MYH15: variants seen among roughly 807,000 people sequenced by gnomAD.
MYH15 encodes the protein myosin heavy chain 15.
In MYH15, 227 loss-of-function variants were observed where a neutral mutation model predicts 240.5. The ratio of observed to expected loss-of-function variants is 0.94; its 90% CI spans 0.85 to 1.05. The LOEUF (loss-of-function observed/expected upper bound fraction) is 1.05, where lower values mean the gene tolerates loss of function less well. Ranked by LOEUF, MYH15 falls within the 50% of genes least tolerant of loss-of-function variation. The probability of loss-of-function intolerance (pLI) is 0.00; values close to 1 mark genes in which losing one functional copy is unlikely to be tolerated. For synonymous variants in MYH15, 785 were observed against 796.7 expected, an observed-to-expected ratio of 0.99 and a Z score of 0.25; for missense variants, 2,217 against 2,247.5, an observed-to-expected ratio of 0.99 and a Z score of 0.27.
chr3:108,430,506 A>G (rs1358525009), intron 26 of MYH15, among the ~76,000 whole-genome samples: 1 of 152,242 alleles, frequency 6.6e-6, no homozygotes, highest in Non-Finnish European at 1.5e-5. Flanking sequence ...CTACTTAAAT[A>G]TATTGTTGCA....
chr3:108,459,296 G>A (rs1022451737), intron 18 of MYH15, 66 bp downstream of exon 18: 2 of 980,280 alleles, frequency 2.0e-6, no homozygotes, highest in Non-Finnish European at 3.0e-6. Flanking sequence ...TTCTTTAAAA[G>A]ATATTCAATA....
chr3:108,400,318 G>A (rs2082494561), intron 33 of MYH15, among the ~76,000 whole-genome samples: 1 of 152,170 alleles, frequency 6.6e-6, no homozygotes, highest in South Asian at 2.1e-4. Flanking sequence ...GTGATTGTTA[G>A]GACAGTTTAA....
intron 12 of MYH15, among the ~76,000 whole-genome samples, chr3:108,472,769 T>G (rs1044574514): frequency 1.5e-4 from 23 of 152,218 alleles, no homozygotes; most frequent in Non-Finnish European, 2.9e-5. Context: ...GGTAAAGGTC[T>G]GCTGAATGAA....
intron 11 of MYH15, among the ~76,000 whole-genome samples, chr3:108,476,926 G>A (rs9873612): frequency 0.21 from 31,664 of 152,028 alleles, 4,287 homozygotes; most frequent in Non-Finnish European, 0.3. Context: ...TTACTCTGAA[G>A]TTAATCATAG....
intron 18 of MYH15, among the ~76,000 whole-genome samples, chr3:108,458,061 T>TA (rs397954846): frequency 3.3e-5 from 5 of 151,640 alleles, no homozygotes; most frequent in Admixed American, 1.3e-4. Context: ...TTATTTTTTT[T>TA]AAAAAAGGGA....
chr3:108,462,353 A>G (rs773819430), intron 16 of MYH15, among the ~76,000 whole-genome samples: 7 of 152,104 alleles, frequency 4.6e-5, no homozygotes, highest in Non-Finnish European at 8.8e-5. Flanking sequence ...AATAGGCACT[A>G]AACTAGAAAA....
intron 1 of MYH15, among the ~76,000 whole-genome samples, chr3:108,524,387 A>G (rs1471455779): frequency 1.3e-5 from 2 of 151,832 alleles, no homozygotes; most frequent in Admixed American, 1.3e-4. Flanking sequence ...TATCTTGTCT[A>G]CTTTTCTATG....
At chr3:108,486,272 C>T in intron 10 of MYH15, 151 bp downstream of exon 10, 1 of 483,366 alleles carries the variant, frequency 2.1e-6, no homozygotes, top group Non-Finnish European at 3.7e-6. Context: ...GCAGTTTTCT[C>T]ATAAATAAGT....
intron 33 of MYH15, 26 bp downstream of exon 33, chr3:108,405,312 T>C: frequency 1.5e-6 from 2 of 1,342,082 alleles, no homozygotes; most frequent in Non-Finnish European, 2.0e-6. Context: ...TACATAATTG[T>C]TACACATCAA....
chr3:108,509,496 A>G (rs1210373013), intron 1 of MYH15, among the ~76,000 whole-genome samples: 1 of 152,212 alleles, frequency 6.6e-6, no homozygotes, highest in Non-Finnish European at 1.5e-5. Flanking sequence ...CATGAATCCA[A>G]TGACTGGAAA....
chr3:108,548,688 A>G, the MYH15 span, among the ~76,000 whole-genome samples: 1 of 152,140 alleles, frequency 6.6e-6, no homozygotes, highest in African/African-American at 2.4e-5. Flanking sequence ...AATATAGTTC[A>G]TAACTATTTG....
In MYH15 at chr3:108,498,031, C is replaced by T. The variant is rs770365821; in HGVS notation, c.618+21G>A. ...GGATAGGGCCACCTCATCTTTTCTA[C>T]CAAGCTATATAAACACTTACCTGCT... On this transcript the variant is annotated intron_variant, in intron 6 of 40. Transcript: ENST00000693548. 14 of 1,607,668 alleles carry T rather than the reference C, an allele frequency of 8.7e-6. No homozygotes were observed. The Admixed American group carries it at 2.0e-4, about 23-fold the overall frequency.
intron 1 of MYH15, among the ~76,000 whole-genome samples, chr3:108,507,455 A>G (rs63338160): frequency 1.7e-4 from 2 of 12,114 alleles, no homozygotes; most frequent in Non-Finnish European, 1.0e-3. Context: ...CTCAGTCACC[A>G]ACCATCACCT....
intron 19 of MYH15, 78 bp downstream of exon 19, chr3:108,456,688 G>T: frequency 9.8e-7 from 1 of 1,018,996 alleles, no homozygotes; most frequent in Non-Finnish European, 1.5e-6. Flanking sequence ...AACAAACAAT[G>T]CATGCCTAAA....
At chr3:108,435,039 C>G (rs1435718627) in intron 25 of MYH15, among the ~76,000 whole-genome samples, 1 of 152,110 alleles carries the variant, frequency 6.6e-6, no homozygotes, top group Admixed American at 6.5e-5. Context: ...GTTCTTTGCC[C>G]ATTTTTCTGT....
intron 6 of MYH15, 21 bp downstream of exon 6, chr3:108,498,031 C>A (rs770365821): frequency 6.2e-7 from 1 of 1,607,786 alleles, no homozygotes; most frequent in Non-Finnish European, 8.5e-7. Flanking sequence ...ATCTTTTCTA[C>A]CAAGCTATAT....
chr3:108,477,853 C>T lies in MYH15; in HGVS notation c.1115-1338G>A, dbSNP rs538784264. Reference sequence around the variant, plus strand: ...ATTATCAGAAGGAAAAGTAAATAGGCATGTATCACTTCAGGTATGAAAAAA... The same window carrying T: ...ATTATCAGAAGGAAAAGTAAATAGGTATGTATCACTTCAGGTATGAAAAAA... On this transcript the variant is annotated intron_variant, in intron 11 of 40. Transcript: ENST00000693548. 2.0e-5 allele frequency among the ~76,000 whole-genome samples: 3 copies of T among 152,238 alleles called. No individual in the cohort carries two copies. In the South Asian group the frequency reaches 6.2e-4, roughly 32 times the overall value.
chr3:108,541,696 A>C, the MYH15 span, among the ~76,000 whole-genome samples: 1 of 152,128 alleles, frequency 6.6e-6, no homozygotes, highest in Non-Finnish European at 1.5e-5. Context: ...AATATTTTGA[A>C]TGACATCTGT....
chr3:108,489,504 TA>T (rs1212543094), intron 9 of MYH15, among the ~76,000 whole-genome samples: 2 of 152,178 alleles, frequency 1.3e-5, no homozygotes, highest in Admixed American at 1.3e-4. Context: ...AAATGAGCCT[TA>T]GCTATGCCTG....
Sources: allele counts gnomAD v4.1 joint callset (sites outside exome capture counted in the v4.1 genomes callset), GRCh38; gene constraint gnomAD v4.1.1; transcripts MANE v1.5; gene names NCBI Gene and HGNC (gene_info 2026-07-23, HGNC 2026-07-21).